Variants in ANKDD1A observed in about 807,000 individuals in gnomAD.
ANKDD1A encodes ankyrin repeat and death domain containing 1A.
Under a neutral mutation model 63.5 loss-of-function variants are expected in ANKDD1A, and 59 were observed. The ratio of observed to expected loss-of-function variants is 0.93; its 90% confidence interval spans 0.75 to 1.15. The LOEUF is 1.15. ANKDD1A is among the 50% of genes most tolerant of loss of function. The pLI, the probability that ANKDD1A is intolerant of heterozygous loss-of-function variation, is 0.00. For missense variants in ANKDD1A, 632 were observed against 656.4 expected (o/e 0.96, Z 0.41); for synonymous variants, 266 against 263.9 (o/e 1.01, Z -0.08).
intron 14 of ANKDD1A, among the ~76,000 whole-genome samples, chr15:64,953,506 C>G: frequency 2.0e-5 from 1 of 49,208 alleles, no homozygotes; most frequent in Middle Eastern, 0.028. Flanking sequence ...GTTCTTCCTC[C>G]TCTTCCTTCT....
chr15:64,949,633 T>A (rs8035594), intron 13 of ANKDD1A, among the ~76,000 whole-genome samples: 139,243 of 152,194 alleles, frequency 0.91, 64,588 homozygotes, highest in East Asian at 1. Context: ...AACCCTTCCC[T>A]CCCCATCTGA....
intron 14 of ANKDD1A, among the ~76,000 whole-genome samples, chr15:64,956,682 A>C (rs1373802389): frequency 6.6e-6 from 1 of 152,112 alleles, no homozygotes; most frequent in Non-Finnish European, 1.5e-5. Flanking sequence ...CAGTCTCCGG[A>C]GTAGCTGGGA....
At chr15:64,954,309 C>CTCCT (rs1555398008) in intron 14 of ANKDD1A, among the ~76,000 whole-genome samples, 1 of 39,946 alleles carries the variant, frequency 2.5e-5, no homozygotes, top group African/African-American at 4.8e-5. Context: ...TCTTCTCCTT[C>CTCCT]TCTTCCTTCT....
intron 14 of ANKDD1A, among the ~76,000 whole-genome samples, chr15:64,954,641 TCCTTCTTCTTCTC>T (rs2085392872): frequency 1.3e-4 from 9 of 70,424 alleles, no homozygotes; most frequent in African/African-American, 2.1e-4. Context: ...CTTTTCTTCT[TCCTTCTTCTTCTC>T]CTTCTTTCTT....
At chr15:64,953,220 G>T (rs868537072) in intron 14 of ANKDD1A, among the ~76,000 whole-genome samples, 15 of 109,178 alleles carry the variant, frequency 1.4e-4, no homozygotes, top group South Asian at 8.6e-4. Context: ...CTTCTTTCTT[G>T]TTCCTTATTC....
intron 3 of ANKDD1A, among the ~76,000 whole-genome samples, chr15:64,920,785 C>A (rs1169975664): frequency 1.3e-5 from 2 of 149,178 alleles, no homozygotes; most frequent in Non-Finnish European, 1.5e-5. Flanking sequence ...TGGGCTCAAG[C>A]GATCCTCCCA....
rs2085425863 is a variant in ANKDD1A, at chr15:64,957,259, T to C, written c.*71T>C. On this transcript the variant is annotated 3_prime_UTR_variant, in exon 15 of 15. Transcript: ENST00000319580. The stretch of plus-strand genomic sequence containing the variant: ...TTTTAGTAGAGATGGGGTTTGGCCA[T>C]GATGGCCAGGCTGGAAAATTGAAAC... 1.7e-5 allele frequency: 5 copies of C among 302,364 alleles called. No homozygotes were observed. The highest frequency in any genetic ancestry group is 1.2e-4 in the South Asian group (5 of 40,640). 18.7% of individuals were successfully genotyped at this position (302,364 alleles called of 1,614,324 possible).
At chr15:64,943,799 C>G (rs986013927) in intron 11 of ANKDD1A, 3 of 585,286 alleles carry the variant, frequency 5.1e-6, no homozygotes, top group East Asian at 2.9e-5. Context: ...GGCCCACCCC[C>G]CTCTGGTATA....
intron 9 of ANKDD1A, among the ~76,000 whole-genome samples, chr15:64,934,890 T>C (rs116733676): frequency 0.027 from 4,133 of 152,092 alleles, 170 homozygotes; most frequent in African/African-American, 0.093. Flanking sequence ...TTTACTGTTA[T>C]ACATTTGGTC....
At chr15:64,952,181 C>T (rs537266629) in intron 14 of ANKDD1A, among the ~76,000 whole-genome samples, 9 of 145,046 alleles carry the variant, frequency 6.2e-5, no homozygotes, top group Admixed American at 2.8e-4. Context: ...TTCTTCTTTC[C>T]TTCTACTTTT....
chr15:64,946,325 T>C (rs2085222630), intron 12 of ANKDD1A, among the ~76,000 whole-genome samples: 1 of 152,124 alleles, frequency 6.6e-6, no homozygotes, highest in African/African-American at 2.4e-5. Context: ...AAACTTCTTA[T>C]CCCTTTCAAA....
In ANKDD1A at chr15:64,947,474, T is replaced by C. The variant is rs1469976158; in HGVS notation, c.1232T>C (p.Leu411Pro). The C allele has an allele frequency of 1.2e-6, 2 of 1,613,972 alleles. No individual in the cohort carries two copies. The highest frequency in any genetic ancestry group is 1.7e-5 in the Admixed American group (1 of 60,000). ...GACCATCGGCAGGAAACACAGCAGC[T>C]CCGTTCTGTGCTGTGGCGGCTGGCC... Reference protein sequence around the residue: ...KQDHRQETQQLRSVLWRLASR... With the variant: ...KQDHRQETQQPRSVLWRLASR... Residue 411 changes from leucine (L) to proline (P), a missense_variant, in exon 13 of 15, where the codon CTC becomes CCC. By Grantham distance (98) the Leu-to-Pro change is moderately conservative. Coordinates refer to ENST00000319580, the MANE Select transcript of ANKDD1A (RefSeq NM_182703.6).
chr15:64,927,751 C>T (rs975898085), intron 6 of ANKDD1A, among the ~76,000 whole-genome samples: 4 of 151,974 alleles, frequency 2.6e-5, no homozygotes, highest in African/African-American at 9.7e-5. Flanking sequence ...ACTGTAGGCG[C>T]CCGCCACCAC....
Position 64,954,097 on chromosome 15 carries a change from CTCT to C in ANKDD1A, c.1484-3004_1484-3002del, listed in dbSNP as rs2085374482. Reference sequence around the variant, plus strand: ...CCTCTTTTCTTCTTCTTTCTCCTCCCTCTTTTCTTCTTCCTTTCTTTTCTCCTT... The same window carrying C: ...CCTCTTTTCTTCTTCTTTCTCCTCCCTTTCTTCTTCCTTTCTTTTCTCCTT... On this transcript the variant is annotated intron_variant, in intron 14 of 14. Transcript: ENST00000319580. Among the ~76,000 whole-genome samples the C allele has an allele frequency of 2.3e-5, 3 of 131,684 alleles. No homozygotes were observed. The South Asian group carries it at 7.3e-4, about 32-fold the overall frequency. The allele number at this position is 131,684 out of a possible 152,430, so 86.4% of individuals were successfully genotyped here.
At chr15:64,912,939 A>G (rs2084942553) in intron 1 of ANKDD1A, among the ~76,000 whole-genome samples, 1 of 152,260 alleles carries the variant, frequency 6.6e-6, no homozygotes, top group African/African-American at 2.4e-5. Flanking sequence ...TGTGTGGCAG[A>G]GAATTCTGGA....
chr15:64,945,938 T>C (rs1415319509), intron 12 of ANKDD1A, among the ~76,000 whole-genome samples: 4 of 152,100 alleles, frequency 2.6e-5, no homozygotes, highest in African/African-American at 9.7e-5. Flanking sequence ...GGCCGAATTA[T>C]GATTTTTATC....
At chr15:64,917,334 C>T in intron 2 of ANKDD1A, 52 bp from the exon 3 acceptor site, 2 of 1,547,342 alleles carry the variant, frequency 1.3e-6, no homozygotes, top group Non-Finnish European at 8.8e-7. Context: ...GGAGGTGGTC[C>T]AGGCAGCCAG....
At chr15:64,941,286 A>T (rs1280557141) in intron 9 of ANKDD1A, among the ~76,000 whole-genome samples, 3 of 151,868 alleles carry the variant, frequency 2.0e-5, no homozygotes, top group Non-Finnish European at 4.4e-5. Context: ...TTTGCGGGGG[A>T]GCGGTGTCCT....
chr15:64,928,945 G>A (rs1050431182), intron 6 of ANKDD1A, among the ~76,000 whole-genome samples: 4 of 152,212 alleles, frequency 2.6e-5, no homozygotes, highest in African/African-American at 9.6e-5. Flanking sequence ...GCCCTGCCAC[G>A]GTCTCTACAC....
Sources: gnomAD v4.1 joint callset for allele counts (sites outside exome capture counted in the v4.1 genomes callset) on GRCh38, gnomAD v4.1.1 for gene constraint, MANE v1.5 for transcripts, NCBI Gene and HGNC (gene_info 2026-07-23, HGNC 2026-07-21) for gene names.